The following KLHL32 variants were observed in gnomAD, a reference collection of about 807,000 sequenced individuals.
The protein encoded by KLHL32 is kelch like family member 32.
Under a neutral mutation model 64.8 loss-of-function variants are expected in KLHL32, and 35 were observed. The observed-to-expected ratio is 0.54, with a 90% CI of 0.41 to 0.72. KLHL32 has a LOEUF of 0.72. Ranked by LOEUF, KLHL32 falls within the 30% of genes least tolerant of loss-of-function variation. KLHL32 has a pLI of 0.00. For synonymous variants in KLHL32, 259 were observed against 281.0 expected, an observed-to-expected ratio of 0.92 and a Z score of 0.78; for missense variants, 589 against 768.5, an observed-to-expected ratio of 0.77 and a Z score of 2.76.
chr6:96,984,915 A>T (rs142001175), intron 3 of KLHL32, among the ~76,000 whole-genome samples: 10,151 of 152,162 alleles, frequency 0.067, 338 homozygotes, highest in South Asian at 0.12. Flanking sequence ...TCCTGTCATT[A>T]TGATCTTAGC....
rs750065107 is a variant in KLHL32 at position 97,055,901 on chromosome 6, TTACA to T, written c.313-8724_313-8721del. Reference sequence around the variant, plus strand: ...CTCACAGCAGAGCTTATGAAAAGTGTTACATAAAGTTATTTTTCCTCACTTTCAC... The same window carrying T: ...CTCACAGCAGAGCTTATGAAAAGTGTTAAAGTTATTTTTCCTCACTTTCAC... On this transcript the variant is annotated intron_variant, in intron 4 of 10. Transcript: ENST00000369261. Among the ~76,000 whole-genome samples, 5 of 151,214 alleles carry T rather than the reference TTACA, an allele frequency of 3.3e-5. No individual in the cohort carries two copies. The South Asian group carries it at 1.1e-3, about 32-fold the overall frequency.
intron 3 of KLHL32, chr6:96,994,673 G>A (rs1282271231): frequency 1.0e-6 from 1 of 954,020 alleles, no homozygotes; most frequent in East Asian, 1.2e-4. Flanking sequence ...TGCGTGCAAA[G>A]TACTATGAGT....
chr6:97,139,741 TAG>T lies in KLHL32; in HGVS notation c.*463_*464del, dbSNP rs1355649277. The T allele has an allele frequency of 6.6e-6, 1 of 152,612 alleles. No homozygotes were observed. Among genetic ancestry groups the T allele is most frequent in the African/African-American group, 2.4e-5 (1 of 41,456 alleles). The allele number at this position is 152,612 out of a possible 1,614,324, so 9.5% of individuals were successfully genotyped here. Reference sequence around the variant, plus strand: ...TTTAACATTATGCAGCCCTGCTCAGTAGAGACTCACTCAGCATTATGACATCA... The same window carrying T: ...TTTAACATTATGCAGCCCTGCTCAGTAGACTCACTCAGCATTATGACATCA... On this transcript the variant is annotated 3_prime_UTR_variant, in exon 11 of 11. Transcript: ENST00000369261.
intron 2 of KLHL32, 60 bp from the exon 3 acceptor site, chr6:96,975,937 G>A (rs1425372564): frequency 5.8e-6 from 8 of 1,378,244 alleles, no homozygotes; most frequent in East Asian, 2.5e-5. Context: ...GAATGAGAGA[G>A]CAGCTGGCCC....
At chr6:97,060,573 T>C (rs1158528397) in intron 4 of KLHL32, among the ~76,000 whole-genome samples, 1 of 152,158 alleles carries the variant, frequency 6.6e-6, no homozygotes, top group Admixed American at 6.5e-5. Flanking sequence ...TTCACCGGAT[T>C]CTGGCCCCAT....
intron 3 of KLHL32, among the ~76,000 whole-genome samples, chr6:97,023,403 T>C (rs1269551328): frequency 6.6e-6 from 1 of 152,212 alleles, no homozygotes; most frequent in Non-Finnish European, 1.5e-5. Context: ...TCAGTGTAAC[T>C]TCTTTCAATT....
At chr6:96,958,001 G>C (rs7776336) in intron 1 of KLHL32, among the ~76,000 whole-genome samples, 3,459 of 152,246 alleles carry the variant, frequency 0.023, 86 homozygotes, top group African/African-American at 0.064. Flanking sequence ...TAAGAATAAT[G>C]GTAGTCCATG....
intron 1 of KLHL32, among the ~76,000 whole-genome samples, chr6:96,946,372 T>C (rs1187582234): frequency 6.6e-6 from 1 of 152,160 alleles, no homozygotes; most frequent in African/African-American, 2.4e-5. Context: ...CACTTACTTA[T>C]TTGCCATGTT....
At chr6:97,027,368 C>A (rs1216861666) in intron 3 of KLHL32, among the ~76,000 whole-genome samples, 3 of 152,052 alleles carry the variant, frequency 2.0e-5, no homozygotes, top group Non-Finnish European at 2.9e-5. Flanking sequence ...AAGCCATTAC[C>A]AATATCAGAT....
chr6:97,029,495 A>C (rs113783638), intron 3 of KLHL32, among the ~76,000 whole-genome samples: 12,415 of 152,202 alleles, frequency 0.082, 1,055 homozygotes, highest in Admixed American at 0.22. Flanking sequence ...TTACTGTTTT[A>C]GTTTGTCTTG....
Position 97,139,648 on chromosome 6 carries a change from A to AAAT in KLHL32, c.*368_*370dup, listed in dbSNP as rs1800468761. 1 of 164,014 alleles carries AAAT rather than the reference A, an allele frequency of 6.1e-6. No homozygotes were observed. Among genetic ancestry groups the AAAT allele is most frequent in the African/African-American group, 2.4e-5 (1 of 41,824 alleles). 10.2% of individuals were successfully genotyped at this position (164,014 alleles called of 1,614,324 possible). ...GACACAATGGCATCGATGATCTTAA[A>AAAT]AATATATATATTCTGTACTTAATCC... On this transcript the variant is annotated 3_prime_UTR_variant, in exon 11 of 11. Transcript: ENST00000369261.
chr6:97,120,924 A>T (rs903526497), intron 7 of KLHL32, among the ~76,000 whole-genome samples: 2 of 152,182 alleles, frequency 1.3e-5, no homozygotes, highest in African/African-American at 4.8e-5. Context: ...TCTGAAAGAG[A>T]TGAAAACAAA....
Position 97,140,541 on chromosome 6 carries a change from A to G in KLHL32, c.*1259A>G, listed in dbSNP as rs1450700553. The G allele has an allele frequency of 6.6e-6, 1 of 152,038 alleles. No individual in the cohort carries two copies. The highest frequency in any genetic ancestry group is 2.4e-5 in the African/African-American group (1 of 41,444). The allele number at this position is 152,038 out of a possible 1,614,324, so 9.4% of individuals were successfully genotyped here. Reference sequence around the variant, plus strand: ...ATAAATACAACAACTTAATAATCACATTTGAAAACAAATTTAACAAGTATA... The same window carrying G: ...ATAAATACAACAACTTAATAATCACGTTTGAAAACAAATTTAACAAGTATA... On this transcript the variant is annotated 3_prime_UTR_variant, in exon 11 of 11. Coordinates refer to ENST00000369261, the MANE Select transcript of KLHL32 (RefSeq NM_052904.4).
chr6:97,101,588 G>T (rs1795733761), intron 6 of KLHL32, among the ~76,000 whole-genome samples: 1 of 152,164 alleles, frequency 6.6e-6, no homozygotes, highest in Non-Finnish European at 1.5e-5. Flanking sequence ...AAACAACTGG[G>T]TTTCAGTCTG....
At chr6:97,026,971 G>A (rs1170697910) in intron 3 of KLHL32, among the ~76,000 whole-genome samples, 8 of 151,924 alleles carry the variant, frequency 5.3e-5, no homozygotes, top group Non-Finnish European at 1.0e-4. Flanking sequence ...AGACCAGCCC[G>A]GCCAATGTGG....
chr6:97,083,523 C>T (rs1483011948), intron 5 of KLHL32, among the ~76,000 whole-genome samples: 1 of 152,152 alleles, frequency 6.6e-6, no homozygotes. Context: ...TCTCTGCCTG[C>T]CTTGGTTGCC....
At chr6:96,993,100 T>C (rs1388201544) in intron 3 of KLHL32, among the ~76,000 whole-genome samples, 1 of 152,370 alleles carries the variant, frequency 6.6e-6, no homozygotes, top group East Asian at 1.9e-4. Context: ...TTAAGAGACA[T>C]AGGCTGAGCC....
At chr6:96,961,875 C>T (rs1773921068) in intron 1 of KLHL32, among the ~76,000 whole-genome samples, 1 of 152,188 alleles carries the variant, frequency 6.6e-6, no homozygotes, top group African/African-American at 2.4e-5. Flanking sequence ...CCAACCTGTG[C>T]AACCAACTTG....
chr6:97,029,923 G>A (rs957250599), intron 3 of KLHL32, among the ~76,000 whole-genome samples: 2 of 152,182 alleles, frequency 1.3e-5, no homozygotes, highest in Non-Finnish European at 2.9e-5. Flanking sequence ...GTAACAGTGG[G>A]CATATAGAAG....
Sources: gnomAD v4.1 joint callset for allele counts (sites outside exome capture counted in the v4.1 genomes callset) on GRCh38, gnomAD v4.1.1 for gene constraint, MANE v1.5 for transcripts, NCBI Gene and HGNC (gene_info 2026-07-23, HGNC 2026-07-21) for gene names.